The following CHST15 variants were observed in gnomAD, a reference collection of about 807,000 sequenced individuals.
The protein encoded by CHST15 is B cell RAG associated protein (GALNAC4S-6ST).
In CHST15, 30 loss-of-function variants were observed where a neutral mutation model predicts 53.6. That is an observed-to-expected ratio of 0.56 (90% confidence interval 0.42 to 0.76). CHST15 has a LOEUF of 0.76. Ranked by LOEUF, CHST15 falls within the 30% of genes least tolerant of loss-of-function variation. The pLI, the probability that CHST15 is intolerant of heterozygous loss-of-function variation, is 0.00. For synonymous variants in CHST15, 296 were observed against 289.8 expected (o/e 1.02, Z -0.22); for missense variants, 627 against 740.5 (o/e 0.85, Z 1.78).
chr10:124,053,470 G>T (rs1383358843), intron 1 of CHST15, among the ~76,000 whole-genome samples: 1 of 151,944 alleles, frequency 6.6e-6, no homozygotes, highest in Non-Finnish European at 1.5e-5. Context: ...AGACACCAGA[G>T]ACATAATAAA....
At chr10:124,075,586 T>C (rs556353919) in intron 1 of CHST15, among the ~76,000 whole-genome samples, 1 of 151,770 alleles carries the variant, frequency 6.6e-6, no homozygotes, top group Non-Finnish European at 1.5e-5. Context: ...TGGGCAGCTC[T>C]CTCCTGATGT....
chr10:124,011,374 A>G (rs1946413354), intron 7 of CHST15: 1 of 983,714 alleles, frequency 1.0e-6, no homozygotes, highest in Admixed American at 6.1e-5. Context: ...CAAATCAAAG[A>G]AAGATGATTC....
chr10:124,042,339 G>C lies in CHST15; in HGVS notation c.995C>G (p.Ser332Cys). 6.2e-7 allele frequency: 1 copy of C among 1,614,172 alleles called. No individual in the cohort carries two copies. Among genetic ancestry groups the C allele is most frequent in the Non-Finnish European group, 8.5e-7 (1 of 1,179,988 alleles). The change falls in exon 4 of 8, where the codon TCT (serine) becomes TGT (cysteine). Residue 332 changes from serine (S) to cysteine (C), a missense_variant. Around this residue, in one of 3 missense-constraint regions of CHST15, gnomAD observed 279 missense variants for 371.6 expected, o/e 0.75. Coordinates refer to ENST00000435907, the MANE Select transcript of CHST15 (RefSeq NM_001270764.2). Reference protein sequence around the residue: ...HQIHQGLQASSAKEQSKMNTI... With the variant: ...HQIHQGLQASCAKEQSKMNTI... Reference sequence around the variant, plus strand: ...ATTCATCTTGCTCTGCTCCTTTGCAGAGCTGGCCTGCAGTCCTTGATGGAT... The same window carrying C: ...ATTCATCTTGCTCTGCTCCTTTGCACAGCTGGCCTGCAGTCCTTGATGGAT...
At chr10:124,065,664 C>T (rs1328918946) in intron 1 of CHST15, among the ~76,000 whole-genome samples, 1 of 152,154 alleles carries the variant, frequency 6.6e-6, no homozygotes, top group Non-Finnish European at 1.5e-5. Context: ...AGCTCATTCC[C>T]ACCAACCTCA....
At chr10:124,064,476 C>T (rs1006538873) in intron 1 of CHST15, among the ~76,000 whole-genome samples, 9 of 152,146 alleles carry the variant, frequency 5.9e-5, no homozygotes, top group Non-Finnish European at 1.3e-4. Flanking sequence ...ATTCAGGGTG[C>T]GCAGCGTAGG....
intron 1 of CHST15, among the ~76,000 whole-genome samples, chr10:124,049,402 A>G (rs562978790): frequency 7.2e-5 from 11 of 152,222 alleles, no homozygotes; most frequent in African/African-American, 1.9e-4. Context: ...GGGCCAGGAT[A>G]GCTCCAGGAT....
At chr10:124,044,042 C>CAGGGGAA (rs1947848958) in intron 3 of CHST15, among the ~76,000 whole-genome samples, 2 of 149,558 alleles carry the variant, frequency 1.3e-5, no homozygotes, top group South Asian at 4.2e-4. Context: ...CAGCACAGAG[C>CAGGGGAA]CAAGGAACAG....
intron 4 of CHST15, among the ~76,000 whole-genome samples, chr10:124,039,117 T>C (rs1216318410): frequency 6.6e-6 from 1 of 152,150 alleles, no homozygotes; most frequent in Non-Finnish European, 1.5e-5. Context: ...TGGGAAATTA[T>C]AGGTGGTTTT....
At chr10:124,026,253 G>A (rs760365500) in intron 5 of CHST15, among the ~76,000 whole-genome samples, 9 of 152,092 alleles carry the variant, frequency 5.9e-5, no homozygotes, top group Non-Finnish European at 8.8e-5. Context: ...GCACTGAGAC[G>A]GGGGAGCACT....
At chr10:124,025,222 T>C (rs1341482154) in intron 5 of CHST15, among the ~76,000 whole-genome samples, 1 of 152,176 alleles carries the variant, frequency 6.6e-6, no homozygotes, top group Non-Finnish European at 1.5e-5. Flanking sequence ...CAAGAAGTAA[T>C]CCCTAGGAAA....
chr10:124,084,155 C>T (rs538441371), intron 1 of CHST15, among the ~76,000 whole-genome samples: 5 of 152,118 alleles, frequency 3.3e-5, no homozygotes, highest in African/African-American at 9.7e-5. Flanking sequence ...TTCAGTGGGA[C>T]GGAGGAGGAG....
chr10:124,064,205 G>T (rs1036974897), intron 1 of CHST15, among the ~76,000 whole-genome samples: 1 of 152,050 alleles, frequency 6.6e-6, no homozygotes, highest in Non-Finnish European at 1.5e-5. Context: ...ATAGACTTAC[G>T]AAAAGTCATT....
chr10:124,068,533 T>C (rs987809572), intron 1 of CHST15, among the ~76,000 whole-genome samples: 1 of 152,220 alleles, frequency 6.6e-6, no homozygotes, highest in Admixed American at 6.5e-5. Context: ...GTCTGGTCTG[T>C]GTCACACACT....
intron 6 of CHST15, among the ~76,000 whole-genome samples, chr10:124,017,938 C>T (rs1324602616): frequency 6.6e-6 from 1 of 152,244 alleles, no homozygotes; most frequent in Non-Finnish European, 1.5e-5. Flanking sequence ...TACCAGGAGG[C>T]ACTTGGGCAG....
At chr10:124,011,179 G>T in intron 7 of CHST15, 1 of 858,284 alleles carries the variant, frequency 1.2e-6, no homozygotes, top group Non-Finnish European at 1.4e-6. Flanking sequence ...ACAGCTTCTT[G>T]GTGTAACCCA....
At chr10:124,053,875 C>T (rs893850401) in intron 1 of CHST15, among the ~76,000 whole-genome samples, 5 of 152,068 alleles carry the variant, frequency 3.3e-5, no homozygotes, top group Admixed American at 3.3e-4. Context: ...GTTGTGATCA[C>T]ACCACTGCAC....
chr10:124,010,300 C>G lies in CHST15; in HGVS notation c.1535G>C (p.Ser512Thr), dbSNP rs2133811236. The change falls in exon 8 of 8, where the codon AGC (serine) becomes ACC (threonine). Residue 512 changes from serine (S) to threonine (T), a missense_variant. Ser to Thr is a moderately conservative substitution (Grantham distance 58). Around this residue, in one of 3 missense-constraint regions of CHST15, gnomAD observed 279 missense variants for 371.6 expected, o/e 0.75. Coordinates refer to ENST00000435907, the MANE Select transcript of CHST15 (RefSeq NM_001270764.2). The part of the protein sequence containing the change: ...SEKQEALMTK[S>T]PASNARRPED... ...GGGACGCCGTGCATTGGATGCGGGG[C>G]TCTTGGTCATCAAAGCCTCCTGCTT... is the stretch of plus-strand genomic sequence containing the variant. 1 of 1,610,602 alleles carries G rather than the reference C, an allele frequency of 6.2e-7. No homozygotes were observed. Among genetic ancestry groups the G allele is most frequent in the Admixed American group, 1.7e-5 (1 of 59,706 alleles).
intron 1 of CHST15, among the ~76,000 whole-genome samples, chr10:124,068,378 T>C (rs1213561489): frequency 2.0e-5 from 3 of 152,128 alleles, no homozygotes; most frequent in Non-Finnish European, 4.4e-5. Context: ...AGATAATCCA[T>C]GGGAAGCACC....
At chr10:124,065,064 C>T (rs1948713587) in intron 1 of CHST15, among the ~76,000 whole-genome samples, 1 of 152,116 alleles carries the variant, frequency 6.6e-6, no homozygotes, top group Non-Finnish European at 1.5e-5. Flanking sequence ...ACAGAATGCC[C>T]AATACATGTT....
Sources: allele counts gnomAD v4.1 joint callset (sites outside exome capture counted in the v4.1 genomes callset), GRCh38; gene constraint gnomAD v4.1.1; regional missense constraint gnomAD v4.1.1; transcripts MANE v1.5; gene names NCBI Gene and HGNC (gene_info 2026-07-23, HGNC 2026-07-21).